Variants in ITGBL1 observed in about 807,000 individuals in gnomAD.
The protein encoded by ITGBL1 is integrin beta-like protein 1.
In ITGBL1, 51 loss-of-function variants were observed where a neutral mutation model predicts 68.5. The observed-to-expected ratio is 0.74, with a 90% CI of 0.59 to 0.94. ITGBL1 has a LOEUF of 0.94. Among genes scored for constraint, ITGBL1 ranks in the 40% least tolerant of loss-of-function variants. ITGBL1 has a pLI of 0.00. For missense variants in ITGBL1, 649 were observed against 647.4 expected (o/e 1.00, Z -0.03); for synonymous variants, 209 against 227.3 (o/e 0.92, Z 0.72).
At chr13:101,678,680 T>C (rs9582517) in intron 7 of ITGBL1, among the ~76,000 whole-genome samples, 70,956 of 151,704 alleles carry the variant, frequency 0.47, 17,871 homozygotes, top group East Asian at 0.86. Context: ...TTTGTATTTT[T>C]AGTAGAGACT....
intron 2 of ITGBL1, among the ~76,000 whole-genome samples, chr13:101,510,655 A>C (rs137994334): frequency 6.6e-6 from 1 of 152,062 alleles, no homozygotes; most frequent in Admixed American, 6.6e-5. Flanking sequence ...CCTTGCCAGC[A>C]TCTGTTGTTT....
chr13:101,481,865 T>C (rs758891531), intron 2 of ITGBL1, among the ~76,000 whole-genome samples: 3 of 152,174 alleles, frequency 2.0e-5, no homozygotes, highest in Admixed American at 6.5e-5. Context: ...ATGTATACAA[T>C]GTATAATGAT....
intron 2 of ITGBL1, among the ~76,000 whole-genome samples, chr13:101,495,790 G>C (rs1594846490): frequency 2.6e-5 from 4 of 152,086 alleles, no homozygotes. Context: ...CTGGGACCTG[G>C]TAAGGAGTAA....
intron 5 of ITGBL1, among the ~76,000 whole-genome samples, chr13:101,581,096 G>T (rs759767059): frequency 2.0e-5 from 3 of 152,094 alleles, no homozygotes; most frequent in Non-Finnish European, 4.4e-5. Context: ...AAACACACTG[G>T]TCCCTGCACA....
At chr13:101,482,996 A>G (rs1263799158) in intron 2 of ITGBL1, among the ~76,000 whole-genome samples, 4 of 152,180 alleles carry the variant, frequency 2.6e-5, no homozygotes, top group Non-Finnish European at 5.9e-5. Flanking sequence ...ATGCTTCCAT[A>G]GTCAAGTTTA....
At chr13:101,615,965 A>G (rs904026633) in intron 7 of ITGBL1, among the ~76,000 whole-genome samples, 2 of 152,174 alleles carry the variant, frequency 1.3e-5, no homozygotes, top group Admixed American at 6.5e-5. Flanking sequence ...CAGACTCCAG[A>G]GCTGCAAAGC....
chr13:101,693,553 A>T (rs2033929293), intron 8 of ITGBL1, among the ~76,000 whole-genome samples: 1 of 152,090 alleles, frequency 6.6e-6, no homozygotes, highest in Admixed American at 6.6e-5. Context: ...AGGAAAAATA[A>T]CTAATGGGTA....
intron 2 of ITGBL1, among the ~76,000 whole-genome samples, chr13:101,526,250 C>T (rs1427098737): frequency 2.0e-5 from 3 of 151,142 alleles, no homozygotes; most frequent in Non-Finnish European, 4.4e-5. Context: ...TGGTTTGCTG[C>T]ACCCATCAAC....
intron 8 of ITGBL1, among the ~76,000 whole-genome samples, chr13:101,694,576 A>G (rs1042880341): frequency 2.0e-5 from 3 of 151,850 alleles, no homozygotes; most frequent in Non-Finnish European, 4.4e-5. Flanking sequence ...GGCACATACC[A>G]CCACAGCTGG....
At chr13:101,538,321 A>C (rs1462605891) in intron 2 of ITGBL1, among the ~76,000 whole-genome samples, 1 of 151,922 alleles carries the variant, frequency 6.6e-6, no homozygotes, top group African/African-American at 2.4e-5. Context: ...GGCCGTGTAA[A>C]GAGATGATAA....
chr13:101,548,330 G>T (rs1219041766), intron 2 of ITGBL1, among the ~76,000 whole-genome samples: 1 of 151,770 alleles, frequency 6.6e-6, no homozygotes, highest in Non-Finnish European at 1.5e-5. Flanking sequence ...GTACAAAAGA[G>T]GGAAGGCTGG....
intron 7 of ITGBL1, among the ~76,000 whole-genome samples, chr13:101,691,697 A>G (rs751157453): frequency 6.6e-6 from 1 of 152,190 alleles, no homozygotes; most frequent in Non-Finnish European, 1.5e-5. Context: ...TTAAGATACA[A>G]TGTGGTTTAA....
chr13:101,689,246 A>G (rs1292076437), intron 7 of ITGBL1, among the ~76,000 whole-genome samples: 3 of 150,432 alleles, frequency 2.0e-5, no homozygotes, highest in Non-Finnish European at 4.4e-5. Context: ...ATGAGGACAC[A>G]TAAGAAGCAT....
At chr13:101,669,353 A>G (rs2033301485) in intron 7 of ITGBL1, among the ~76,000 whole-genome samples, 1 of 152,150 alleles carries the variant, frequency 6.6e-6, no homozygotes, top group African/African-American at 2.4e-5. Context: ...ATAAAGGGAA[A>G]TAAGAAAAAT....
intron 7 of ITGBL1, among the ~76,000 whole-genome samples, chr13:101,623,015 G>A (rs958317771): frequency 6.6e-6 from 1 of 151,322 alleles, no homozygotes; most frequent in Admixed American, 6.6e-5. Flanking sequence ...ATTTATGCTT[G>A]TTTTCTCTAA....
intron 5 of ITGBL1, among the ~76,000 whole-genome samples, chr13:101,582,610 T>G (rs1814998021): frequency 1.3e-5 from 2 of 152,100 alleles, no homozygotes; most frequent in African/African-American, 2.4e-5. Context: ...AAACCTTACT[T>G]CTTAGTCTTT....
intron 6 of ITGBL1, among the ~76,000 whole-genome samples, chr13:101,584,911 TG>T (rs2050525695): frequency 6.6e-6 from 1 of 151,582 alleles, no homozygotes; most frequent in African/African-American, 2.4e-5. Flanking sequence ...TCACAGTGCA[TG>T]TGGGTTTTAT....
At chr13:101,673,586 G>A (rs2033428843) in intron 7 of ITGBL1, among the ~76,000 whole-genome samples, 2 of 152,134 alleles carry the variant, frequency 1.3e-5, no homozygotes, top group African/African-American at 4.8e-5. Context: ...ATGGTCATTT[G>A]GCTGATTCAG....
At chr13:101,697,044 T>A (rs953168542) in intron 8 of ITGBL1, among the ~76,000 whole-genome samples, 2 of 152,034 alleles carry the variant, frequency 1.3e-5, no homozygotes, top group South Asian at 2.1e-4. Context: ...ATTTCATTTT[T>A]TTTTTTTACA....
Sources: gnomAD v4.1 joint callset for allele counts (sites outside exome capture counted in the v4.1 genomes callset) on GRCh38, gnomAD v4.1.1 for gene constraint, MANE v1.5 for transcripts, NCBI Gene and HGNC (gene_info 2026-07-23, HGNC 2026-07-21) for gene names.